Variants in SHANK2 observed in about 807,000 individuals in gnomAD.
SHANK2 encodes SH3 and multiple ankyrin repeat domains 2, also known as SH3 and multiple ankyrin repeat domains protein 2.
SHANK2 carries 43 observed loss-of-function variants against 133.7 expected under a neutral mutation model. That is an observed-to-expected ratio of 0.32 (90% CI 0.25 to 0.41). The LOEUF is 0.41. Among genes scored for constraint, SHANK2 ranks in the 10% least tolerant of loss-of-function variants. The probability of loss-of-function intolerance (pLI) is 1.00; values close to 1 mark genes in which losing one functional copy is unlikely to be tolerated. For synonymous variants in SHANK2, 1,017 were observed against 952.8 expected (o/e 1.07, Z -1.24); for missense variants, 1,994 against 2,235.8 (o/e 0.89, Z 2.18).
intron 17 of SHANK2, among the ~76,000 whole-genome samples, chr11:70,533,374 G>A (rs980791891): frequency 6.6e-6 from 1 of 152,180 alleles, no homozygotes; most frequent in Non-Finnish European, 1.5e-5. Flanking sequence ...ACAGGTGTGA[G>A]CCACTGTGCC....
chr11:70,606,287 C>G lies in SHANK2; in HGVS notation c.2061+53541G>C, dbSNP rs563387765. Among the ~76,000 whole-genome samples, 3 of 152,244 alleles carry G rather than the reference C, an allele frequency of 2.0e-5. No homozygotes were observed. In the South Asian group the frequency reaches 6.2e-4, roughly 32 times the overall value. ...CCTAGCATGAACAGGCTTGGTTGCT[C>G]CTGCCTTTGATCCCAATGCTATGGG... On this transcript the variant is annotated intron_variant, in intron 17 of 25. Coordinates refer to ENST00000601538, the MANE Select transcript of SHANK2 (RefSeq NM_012309.5).
chr11:70,712,295 A>T (rs1247394280), intron 14 of SHANK2, among the ~76,000 whole-genome samples: 1 of 152,114 alleles, frequency 6.6e-6, no homozygotes, highest in Non-Finnish European at 1.5e-5. Flanking sequence ...CCATCCAGAT[A>T]ACCCTCAGCT....
intron 17 of SHANK2, among the ~76,000 whole-genome samples, chr11:70,557,133 G>A (rs1554979816): frequency 6.8e-6 from 1 of 148,136 alleles, no homozygotes. Flanking sequence ...CACATACCAG[G>A]CATTGCACTA....
intron 15 of SHANK2, among the ~76,000 whole-genome samples, chr11:70,693,130 C>T (rs557318096): frequency 2.6e-5 from 4 of 152,330 alleles, no homozygotes; most frequent in Admixed American, 2.6e-4. Context: ...CCCACCTCCT[C>T]CACCAGCCCC....
At chr11:71,099,363 C>G (rs1951680544) in intron 6 of SHANK2, among the ~76,000 whole-genome samples, 1 of 152,182 alleles carries the variant, frequency 6.6e-6, no homozygotes, top group Non-Finnish European at 1.5e-5. Context: ...GACTTCCGCT[C>G]AGAAGAATAC....
At chr11:71,183,560 T>C (rs971703686) in intron 2 of SHANK2, among the ~76,000 whole-genome samples, 14 of 152,112 alleles carry the variant, frequency 9.2e-5, no homozygotes, top group East Asian at 1.9e-4. Context: ...CTGCTAGAAA[T>C]CACTACATCA....
At chr11:70,669,082 C>G (rs1481131491) in intron 15 of SHANK2, 1 of 152,296 alleles carries the variant, frequency 6.6e-6, no homozygotes, top group Non-Finnish European at 1.5e-5. Flanking sequence ...TCAGGGTCAA[C>G]TTGCACCTGT....
intron 14 of SHANK2, among the ~76,000 whole-genome samples, chr11:70,715,479 G>A (rs201205062): frequency 6.6e-6 from 1 of 152,194 alleles, no homozygotes; most frequent in Non-Finnish European, 1.5e-5. Context: ...CACCGTAGGA[G>A]GGGAGGCTAC....
intron 12 of SHANK2, among the ~76,000 whole-genome samples, chr11:70,816,512 G>A (rs1948400064): frequency 6.6e-6 from 1 of 152,204 alleles, no homozygotes; most frequent in Non-Finnish European, 1.5e-5. Context: ...AGGGCCCCCA[G>A]AGGCTGGGAG....
intron 14 of SHANK2, among the ~76,000 whole-genome samples, chr11:70,704,648 T>C (rs1272197645): frequency 1.3e-5 from 2 of 152,192 alleles, no homozygotes; most frequent in South Asian, 2.1e-4. Context: ...ACACGGGCTA[T>C]GGCCACCATT....
intron 17 of SHANK2, among the ~76,000 whole-genome samples, chr11:70,567,863 C>A (rs782283164): frequency 3.3e-5 from 5 of 152,228 alleles, no homozygotes; most frequent in African/African-American, 4.8e-5. Flanking sequence ...ACAGATGCCA[C>A]ACCCTGGAAT....
chr11:70,705,813 T>C (rs1945650790), intron 14 of SHANK2: 1 of 152,442 alleles, frequency 6.6e-6, no homozygotes, highest in Non-Finnish European at 1.5e-5. Flanking sequence ...CACTCTAGTC[T>C]GAACCACCAT....
intron 15 of SHANK2, among the ~76,000 whole-genome samples, chr11:70,690,489 T>G (rs933454341): frequency 5.6e-5 from 1 of 17,854 alleles, no homozygotes; most frequent in African/African-American, 2.6e-4. Context: ...ACTTCCCATG[T>G]TTTTTTTTTT....
At chr11:70,499,121 T>C (rs554511283) in intron 21 of SHANK2, among the ~76,000 whole-genome samples, 1 of 152,360 alleles carries the variant, frequency 6.6e-6, no homozygotes, top group African/African-American at 2.4e-5. Context: ...GCATTTGCCG[T>C]GCATCCACTA....
At position 71,228,029 on chromosome 11, in the gene SHANK2, A is replaced by G. The variant is rs376866523; in HGVS notation, c.-112-3233T>C. On this transcript the variant is annotated intron_variant, in intron 1 of 25. Transcript: ENST00000601538. ...AACTCTAGCAAGACTGACCAAGAAA[A>G]AAAAACAACACAAATTACCAATACC... 9.2e-4 allele frequency among the ~76,000 whole-genome samples: 140 copies of G among 152,294 alleles called. 1 individual carries two copies. The South Asian group carries it at 0.028, about 31-fold the overall frequency.
intron 9 of SHANK2, among the ~76,000 whole-genome samples, chr11:71,070,825 T>C (rs1048072433): frequency 6.6e-6 from 1 of 152,230 alleles, no homozygotes; most frequent in Non-Finnish European, 1.5e-5. Flanking sequence ...TGGCTCTTTA[T>C]AGCAAAAGCA....
Position 70,554,934 on chromosome 11 carries a change from A to G in SHANK2, c.2062-52003T>C, listed in dbSNP as rs2059811730. Among the ~76,000 whole-genome samples the G allele has an allele frequency of 2.2e-5, 3 of 137,014 alleles. No individual in the cohort carries two copies. In the East Asian group the frequency reaches 6.2e-4, roughly 28 times the overall value. The allele number at this position is 137,014 out of a possible 152,430, so 89.9% of individuals were successfully genotyped here. On this transcript the variant is annotated intron_variant, in intron 17 of 25. Transcript: ENST00000601538. ...TTTTTTTAACAAATCGAAGGCCTGC[A>G]GCCACCCCACAGAGAGTCAGCCCAT...
chr11:70,661,487 T>C (rs1365297288), intron 16 of SHANK2, 109 bp downstream of exon 16: 2 of 1,135,950 alleles, frequency 1.8e-6, no homozygotes, highest in African/African-American at 3.1e-5. Flanking sequence ...GGAACGTTTT[T>C]CATGCAGGCG....
intron 1 of SHANK2, among the ~76,000 whole-genome samples, chr11:71,247,891 G>A (rs1359573184): frequency 2.0e-5 from 3 of 152,314 alleles, no homozygotes; most frequent in East Asian, 1.9e-4. Context: ...GTGCAGTGCC[G>A]GGTTTGGCAA....
Sources: allele counts gnomAD v4.1 joint callset (sites outside exome capture counted in the v4.1 genomes callset), GRCh38; gene constraint gnomAD v4.1.1; transcripts MANE v1.5; gene names NCBI Gene and HGNC (gene_info 2026-07-23, HGNC 2026-07-21).